ZNF496: variants seen among roughly 807,000 people sequenced by gnomAD.
ZNF496 encodes the protein NSD1 (nuclear receptor binding SET-domain containing 1)-interacting zinc finger protein 1.
Under a neutral mutation model 58.9 loss-of-function variants are expected in ZNF496, and 11 were observed. The observed-to-expected ratio is 0.19, with a 90% CI of 0.12 to 0.31. ZNF496 has a LOEUF of 0.31. Among genes scored for constraint, ZNF496 ranks in the 10% least tolerant of loss-of-function variants. ZNF496 has a pLI of 1.00. For synonymous variants in ZNF496, 338 were observed against 318.2 expected, an observed-to-expected ratio of 1.06 and a Z score of -0.66; for missense variants, 660 against 783.0, an observed-to-expected ratio of 0.84 and a Z score of 1.88.
At position 247,329,039 on chromosome 1, in the gene ZNF496, C is replaced by T; in HGVS notation, c.390+150G>A. 7.0e-7 allele frequency: 1 copy of T among 1,429,588 alleles called. No individual in the cohort carries two copies. Among genetic ancestry groups the T allele is most frequent in the Non-Finnish European group, 9.5e-7 (1 of 1,050,370 alleles). 88.6% of individuals were successfully genotyped at this position (1,429,588 alleles called of 1,614,324 possible). On this transcript the variant is annotated intron_variant, in intron 4 of 9. Transcript: ENST00000682384. This position sits in a 1 kb window ranked among gnomAD's most constrained non-coding sequence, Gnocchi z 5.5. ...AAATTAGAGCCTTCAGGGAGTAAAACTGGCTTTCTTAGGAAACTCTAGTCT... is the reference window on the plus strand; with the variant it reads ...AAATTAGAGCCTTCAGGGAGTAAAATTGGCTTTCTTAGGAAACTCTAGTCT...
intron 7 of ZNF496, chr1:247,310,057 G>A (rs1188624036): frequency 7.7e-6 from 11 of 1,427,660 alleles, no homozygotes; most frequent in African/African-American, 1.4e-5. Flanking sequence ...CGGTAAGAAC[G>A]ATGGAAGAGA....
rs759308755 is a variant in ZNF496, at chr1:247,300,932, C to T, written c.1351G>A (p.Asp451Asn). ...GELFSDSEDL[D>N]GHLESHEAQK... Reference sequence around the variant, plus strand: ...GCCTCGTGGCTCTCTAGGTGCCCATCCAGGTCCTCGCTGTCGCTGAACAGC... The same window carrying T: ...GCCTCGTGGCTCTCTAGGTGCCCATTCAGGTCCTCGCTGTCGCTGAACAGC... The change falls in exon 10 of 10, where the codon GAT becomes AAT. Residue 451 changes from aspartate (D) to asparagine (N), a missense_variant. Coordinates refer to ENST00000682384, the MANE Select transcript of ZNF496 (RefSeq NM_032752.3). The surrounding 1 kb of genome is among the most constrained non-coding windows in gnomAD (Gnocchi z 5.7). The T allele has an allele frequency of 3.7e-6, 6 of 1,613,656 alleles. No individual in the cohort carries two copies. The highest frequency in any genetic ancestry group is 5.1e-6 in the Non-Finnish European group (6 of 1,179,876).
chr1:247,323,100 T>C (rs981043453), intron 6 of ZNF496, 54 bp downstream of exon 6: 3 of 1,479,174 alleles, frequency 2.0e-6, no homozygotes, highest in East Asian at 4.5e-5. Context: ...AGCTGCCCTG[T>C]AGCCTACAGA....
rs1659225566 is a variant in ZNF496, at chr1:247,301,211, A to G, written c.1072T>C (p.Ser358Pro). Residue 358 changes from serine to proline, a missense_variant, in exon 10 of 10, where the codon TCC becomes CCC. Transcript: ENST00000682384. ...TGGGAGTCCTCGTCCCCAGAGCTGGAGAGAACGATCTCGATGGTCACTTCT... is the reference window on the plus strand; with the variant it reads ...TGGGAGTCCTCGTCCCCAGAGCTGGGGAGAACGATCTCGATGGTCACTTCT... ...DEEVTIEIVL[S>P]SSGDEDSQHG... The G allele has an allele frequency of 4.5e-6, 7 of 1,558,366 alleles. No homozygotes were observed. Among genetic ancestry groups the G allele is most frequent in the Non-Finnish European group, 6.1e-6 (7 of 1,152,362 alleles).
chr1:247,311,422 CACACAGAG>C (rs1202539606), intron 6 of ZNF496: 2 of 64,048 alleles, frequency 3.1e-5, no homozygotes, highest in African/African-American at 4.1e-5. Flanking sequence ...ACAAAACACA[CACACAGAG>C]ACACACACAC....
At chr1:247,314,612 A>C (rs1408394004) in intron 6 of ZNF496, among the ~76,000 whole-genome samples, 1 of 152,200 alleles carries the variant, frequency 6.6e-6, no homozygotes, top group East Asian at 1.9e-4. Context: ...GTGACAAGCA[A>C]AAAAGGAACA....
Position 247,331,826 on chromosome 1 carries a change from C to T in ZNF496, c.-406G>A, listed in dbSNP as rs1254365213. ...GTCCCTGTTGGCGGGCGGCGCAGGC[C>T]TGGCCGCCGCGGGAGCCCGCCGGAC... On this transcript the variant is annotated 5_prime_UTR_variant, in exon 1 of 10. Transcript: ENST00000682384. 6.7e-6 allele frequency: 1 copy of T among 148,780 alleles called. No homozygotes were observed. Among genetic ancestry groups the T allele is most frequent in the East Asian group, 2.0e-4 (1 of 5,052 alleles). 9.2% of individuals were successfully genotyped at this position (148,780 alleles called of 1,614,324 possible).
intron 2 of ZNF496, among the ~76,000 whole-genome samples, chr1:247,330,374 T>A (rs1051502568): frequency 6.6e-6 from 1 of 152,170 alleles, no homozygotes; most frequent in African/African-American, 2.4e-5. Flanking sequence ...CTATTCTCTA[T>A]CCTTGCCCTC....
At chr1:247,319,300 C>T (rs371895452) in intron 6 of ZNF496, among the ~76,000 whole-genome samples, 10 of 152,216 alleles carry the variant, frequency 6.6e-5, no homozygotes, top group African/African-American at 2.4e-4. Flanking sequence ...AGGAAATAAG[C>T]TTCTACACTT....
In ZNF496 at chr1:247,300,368, G is replaced by A. The variant is rs2103014114; in HGVS notation, c.*151C>T. 1 of 759,884 alleles carries A rather than the reference G, an allele frequency of 1.3e-6. No individual in the cohort carries two copies. Among genetic ancestry groups the A allele is most frequent in the Non-Finnish European group, 2.0e-6 (1 of 509,852 alleles). The allele number at this position is 759,884 out of a possible 1,614,324, so 47.1% of individuals were successfully genotyped here. Reference sequence around the variant, plus strand: ...CTGGGGGAGGGAGAGTGCTCCCATGGCACCACCCGAACGCTCACTACCTGA... The same window carrying A: ...CTGGGGGAGGGAGAGTGCTCCCATGACACCACCCGAACGCTCACTACCTGA... On this transcript the variant is annotated 3_prime_UTR_variant, in exon 10 of 10. Transcript: ENST00000682384. The surrounding 1 kb of genome is among the most constrained non-coding windows in gnomAD (Gnocchi z 5.7).
At chr1:247,321,341 T>C (rs1299925531) in intron 6 of ZNF496, among the ~76,000 whole-genome samples, 4 of 152,098 alleles carry the variant, frequency 2.6e-5, no homozygotes, top group South Asian at 2.1e-4. Flanking sequence ...AAAAGTAGCA[T>C]GGAGGTTGCC....
chr1:247,307,274 T>C (rs772678762), intron 9 of ZNF496: 81 of 985,302 alleles, frequency 8.2e-5, no homozygotes, highest in Non-Finnish European at 9.6e-5. Flanking sequence ...TGCCCACTCT[T>C]TGAAATATAT....
intron 6 of ZNF496, among the ~76,000 whole-genome samples, chr1:247,315,640 G>A (rs1208533572): frequency 6.6e-6 from 1 of 152,130 alleles, no homozygotes; most frequent in East Asian, 1.9e-4. Context: ...GGGGGTGGGA[G>A]TGGGTAAGGA....
chr1:247,328,918 C>T, intron 4 of ZNF496, 52 bp from the exon 5 acceptor site: 2 of 1,536,774 alleles, frequency 1.3e-6, no homozygotes, highest in Non-Finnish European at 1.7e-6. Context: ...TCCCATCTCT[C>T]CCTGGGCCTG....
intron 6 of ZNF496, 36 bp from the exon 7 acceptor site, chr1:247,310,492 G>A (rs774122452): frequency 6.2e-7 from 1 of 1,612,350 alleles, no homozygotes; most frequent in Non-Finnish European, 8.5e-7. Flanking sequence ...CCTCAGTCCG[G>A]GACGAGCTAG....
Position 247,328,689 on chromosome 1 carries a change from C to T in ZNF496, c.568G>A (p.Asp190Asn). The change falls in exon 5 of 10, where the codon GAC (aspartate) becomes AAC (asparagine). Residue 190 changes from aspartate to asparagine, a missense_variant. Asp to Asn is a conservative substitution (Grantham distance 23). Coordinates refer to ENST00000682384, the MANE Select transcript of ZNF496 (RefSeq NM_032752.3). ...ACTCCCCTGGGCTGCATACCTGGGT[C>T]CCCGCTGAGCTGGCTTGGTGGTCTG... ...PSRPPSQLSG[D>N]PVLQDAFLLQ... 1 of 1,584,704 alleles carries T rather than the reference C, an allele frequency of 6.3e-7. No homozygotes were observed. The highest frequency in any genetic ancestry group is 8.6e-7 in the Non-Finnish European group (1 of 1,165,376).
chr1:247,304,120 G>A (rs769870057), intron 9 of ZNF496: 87 of 395,314 alleles, frequency 2.2e-4, no homozygotes, highest in Middle Eastern at 2.2e-3. Context: ...TCTACAAACT[G>A]GCCGATAGAT....
intron 6 of ZNF496, among the ~76,000 whole-genome samples, chr1:247,322,480 A>T (rs1267583974): frequency 6.6e-6 from 1 of 152,118 alleles, no homozygotes; most frequent in African/African-American, 2.4e-5. Context: ...GTCATAACTA[A>T]ATCTTGTGCC....
At chr1:247,319,288 A>G (rs886142541) in intron 6 of ZNF496, among the ~76,000 whole-genome samples, 3 of 152,248 alleles carry the variant, frequency 2.0e-5, no homozygotes, top group Non-Finnish European at 4.4e-5. Context: ...GTGCCCGAAC[A>G]AAGGAAATAA....
Sources: allele counts gnomAD v4.1 joint callset (sites outside exome capture counted in the v4.1 genomes callset), GRCh38; gene constraint gnomAD v4.1.1; non-coding constraint Gnocchi (gnomAD v3.1); transcripts MANE v1.5; gene names NCBI Gene and HGNC (gene_info 2026-07-23, HGNC 2026-07-21).